Variants in CATSPERE observed in about 807,000 individuals in gnomAD.
CATSPERE encodes the protein cation channel sperm-associated auxiliary subunit epsilon.
In CATSPERE, 93 loss-of-function variants were observed where a neutral mutation model predicts 114.1. The ratio of observed to expected loss-of-function variants is 0.81; its 90% CI spans 0.69 to 0.97. CATSPERE has a LOEUF of 0.97. CATSPERE is among the 50% of genes least tolerant of loss of function. The pLI, the probability that CATSPERE is intolerant of heterozygous loss-of-function variation, is 0.00. For synonymous variants in CATSPERE, 341 were observed against 384.1 expected (o/e 0.89, Z 1.31); for missense variants, 1,058 against 1,131.6 (o/e 0.93, Z 0.93).
chr1:244,544,742 A>T (rs1659452785), intron 8 of CATSPERE, among the ~76,000 whole-genome samples: 1 of 152,222 alleles, frequency 6.6e-6, no homozygotes, highest in East Asian at 1.9e-4. Flanking sequence ...AGACAGATGG[A>T]TCAGTGGACA....
At chr1:244,631,226 G>A (rs1247106328) in intron 20 of CATSPERE, among the ~76,000 whole-genome samples, 1 of 152,102 alleles carries the variant, frequency 6.6e-6, no homozygotes, top group African/African-American at 2.4e-5. Context: ...TCAGGAGGCT[G>A]ATGGGGAGGA....
At chr1:244,620,495 C>T (rs939015785) in intron 20 of CATSPERE, among the ~76,000 whole-genome samples, 3 of 152,160 alleles carry the variant, frequency 2.0e-5, no homozygotes, top group Non-Finnish European at 2.9e-5. Flanking sequence ...CACATATTCT[C>T]TTCCAGTGCC....
intron 19 of CATSPERE, among the ~76,000 whole-genome samples, chr1:244,613,677 G>A (rs1348756967): frequency 6.6e-6 from 1 of 152,154 alleles, no homozygotes; most frequent in African/African-American, 2.4e-5. Flanking sequence ...TCCTGAACCT[G>A]GCCTTTTATC....
chr1:244,476,076 C>T (rs1218799857), intron 2 of CATSPERE, among the ~76,000 whole-genome samples: 1 of 151,998 alleles, frequency 6.6e-6, no homozygotes, highest in Non-Finnish European at 1.5e-5. Flanking sequence ...TTACAACTTT[C>T]CTTGTAAATG....
In CATSPERE at chr1:244,617,768, T is replaced by C. The variant is rs567997209; in HGVS notation, c.2648+82T>C. On this transcript the variant is annotated intron_variant, in intron 20 of 21. Coordinates refer to ENST00000366534, the MANE Select transcript of CATSPERE (RefSeq NM_001130957.2). ...TTTTAATTTGATGCATCCTATACAT[T>C]CAATCATTGTTATTCTTGTTATTTA... The C allele has an allele frequency of 3.0e-5, 34 of 1,146,866 alleles. No homozygotes were observed. In the South Asian group the frequency reaches 5.9e-4, roughly 20 times the overall value. The allele number at this position is 1,146,866 out of a possible 1,614,324, so 71.0% of individuals were successfully genotyped here.
chr1:244,572,853 C>A, intron 11 of CATSPERE, 81 bp downstream of exon 11: 1 of 924,900 alleles, frequency 1.1e-6, no homozygotes, highest in Non-Finnish European at 1.5e-6. Flanking sequence ...AATGGATTTC[C>A]CTTCTAGGCT....
chr1:244,492,834 T>A, intron 6 of CATSPERE, among the ~76,000 whole-genome samples: 2 of 146,310 alleles, frequency 1.4e-5, no homozygotes, highest in Admixed American at 6.8e-5. Context: ...ATGAGTGAAC[T>A]CCCATTCACA....
upstream of CATSPERE, chr1:244,457,701 A>G (rs568964789): frequency 6.6e-6 from 1 of 152,288 alleles, no homozygotes; most frequent in Admixed American, 6.5e-5. Context: ...TAAACCTTTG[A>G]TATTTGACAG....
At chr1:244,549,597 A>T (rs1330497669) in intron 8 of CATSPERE, among the ~76,000 whole-genome samples, 4 of 152,190 alleles carry the variant, frequency 2.6e-5, no homozygotes, top group Admixed American at 1.3e-4. Flanking sequence ...TCACTCAAGG[A>T]CTTTAACCTC....
chr1:244,527,940 G>C (rs1251893498), intron 8 of CATSPERE, among the ~76,000 whole-genome samples: 1 of 152,122 alleles, frequency 6.6e-6, no homozygotes, highest in Non-Finnish European at 1.5e-5. Flanking sequence ...GTCTCACCCT[G>C]TTGCCCAAGC....
intron 1 of CATSPERE, among the ~76,000 whole-genome samples, chr1:244,463,603 G>A (rs1161209710): frequency 6.7e-6 from 1 of 150,046 alleles, no homozygotes; most frequent in Admixed American, 6.6e-5. Flanking sequence ...CTCTTTATAA[G>A]TGAAGGAGTT....
At chr1:244,495,116 C>T (rs1281112541) in intron 6 of CATSPERE, among the ~76,000 whole-genome samples, 1 of 152,048 alleles carries the variant, frequency 6.6e-6, no homozygotes, top group East Asian at 1.9e-4. Flanking sequence ...ACTCACAGAC[C>T]TTTACGTTAA....
chr1:244,591,928 T>A (rs565554491), intron 15 of CATSPERE, among the ~76,000 whole-genome samples, 197 bp downstream of exon 15: 11 of 152,344 alleles, frequency 7.2e-5, no homozygotes, highest in African/African-American at 2.6e-4. Context: ...GTCTTCCCCC[T>A]TCAATTTAAT....
At chr1:244,556,433 A>G (rs1661587791) in intron 9 of CATSPERE, among the ~76,000 whole-genome samples, 1 of 152,200 alleles carries the variant, frequency 6.6e-6, no homozygotes, top group Non-Finnish European at 1.5e-5. Flanking sequence ...TTAAATCTAA[A>G]TGGTCTAAAA....
chr1:244,479,731 C>T lies in CATSPERE; in HGVS notation c.273C>T (p.Arg91=), dbSNP rs1268951943. ...TTTTCTTTTAGGATGAAGAAGAACG[C>T]TATTTATTTGTGGAAAGTTCTCATA... The part of the protein sequence containing the change: ...PIVTGPDEEE[R]YLFVESSHTC... Residue 91 remains arginine, a synonymous_variant, in exon 5 of 22, where the codon CGC becomes CGT. Transcript: ENST00000366534. 1.9e-6 allele frequency: 3 copies of T among 1,599,712 alleles called. No homozygotes were observed. The highest frequency in any genetic ancestry group is 2.6e-6 in the Non-Finnish European group (3 of 1,170,366).
intron 17 of CATSPERE, chr1:244,598,585 C>T: frequency 2.8e-6 from 1 of 352,322 alleles, no homozygotes; most frequent in Non-Finnish European, 5.9e-6. Context: ...CCACAGAGAC[C>T]ATGGAGATTG....
chr1:244,612,513 G>A (rs778495528), intron 19 of CATSPERE, among the ~76,000 whole-genome samples: 8 of 152,158 alleles, frequency 5.3e-5, no homozygotes, highest in Non-Finnish European at 1.2e-4. Flanking sequence ...GTTGGAGGTT[G>A]AGAAGGAAAG....
Position 244,591,733 on chromosome 1 carries a change from TA to T in CATSPERE, c.2189+4del. 1 of 1,501,956 alleles carries T rather than the reference TA, an allele frequency of 6.7e-7. No individual in the cohort carries two copies. The highest frequency in any genetic ancestry group is 1.2e-5 in the South Asian group (1 of 85,968). 93.0% of individuals were successfully genotyped at this position (1,501,956 alleles called of 1,614,324 possible). On this transcript the variant is annotated splice_donor_region_variant and intron_variant, in intron 15 of 21. Coordinates refer to ENST00000366534, the MANE Select transcript of CATSPERE (RefSeq NM_001130957.2). The stretch of plus-strand genomic sequence containing the variant: ...TGATTTTTCATACGTGATTGAAAAG[TA>T]AGAAATTTTTTAACATAAGCACTGA...
At chr1:244,468,785 G>A (rs569384673) in intron 2 of CATSPERE, among the ~76,000 whole-genome samples, 8 of 152,270 alleles carry the variant, frequency 5.3e-5, no homozygotes, top group South Asian at 4.1e-4. Flanking sequence ...GGGCATGGTG[G>A]TGCATGCCTA....
Sources: gnomAD v4.1 joint callset for allele counts (sites outside exome capture counted in the v4.1 genomes callset) on GRCh38, gnomAD v4.1.1 for gene constraint, MANE v1.5 for transcripts, NCBI Gene and HGNC (gene_info 2026-07-23, HGNC 2026-07-21) for gene names.